The following ESRRG variants were observed in gnomAD, a reference collection of about 807,000 sequenced individuals.
ESRRG encodes estrogen-related receptor gamma.
Under a neutral mutation model 44.0 loss-of-function variants are expected in ESRRG, and 13 were observed. That is an observed-to-expected ratio of 0.30 (90% CI 0.19 to 0.47). The LOEUF is 0.47. Among genes scored for constraint, ESRRG ranks in the 20% least tolerant of loss-of-function variants. The pLI, the probability that ESRRG is intolerant of heterozygous loss-of-function variation, is 1.00. For missense variants in ESRRG, 395 were observed against 580.6 expected (o/e 0.68, Z 3.29); for synonymous variants, 215 against 214.6 (o/e 1.00, Z -0.02).
chr1:216,602,949 T>A (rs545792415), intron 3 of ESRRG, among the ~76,000 whole-genome samples: 113 of 152,268 alleles, frequency 7.4e-4, no homozygotes, highest in African/African-American at 2.6e-3. Flanking sequence ...TTAAACTACA[T>A]CTATATAGCC....
intron 2 of ESRRG, among the ~76,000 whole-genome samples, chr1:216,886,202 C>A (rs1263057372): frequency 6.6e-6 from 1 of 152,124 alleles, no homozygotes; most frequent in Non-Finnish European, 1.5e-5. Context: ...GAACTATATG[C>A]ATCCACTTCA....
chr1:216,604,068 T>A (rs1346535219), intron 3 of ESRRG, among the ~76,000 whole-genome samples: 12 of 151,952 alleles, frequency 7.9e-5, no homozygotes, highest in Admixed American at 5.9e-4. Context: ...TACATAAAAT[T>A]AGGAAACTGC....
chr1:216,923,679 T>C (rs2062128080), intron 2 of ESRRG, among the ~76,000 whole-genome samples: 1 of 152,178 alleles, frequency 6.6e-6, no homozygotes, highest in African/African-American at 2.4e-5. Flanking sequence ...ACAGCATCAT[T>C]CCATCAACAT....
In ESRRG at chr1:216,530,854, T is replaced by C. The variant is rs182318624; in HGVS notation, c.863-11433A>G. Among the ~76,000 whole-genome samples, 4 of 152,300 alleles carry C rather than the reference T, an allele frequency of 2.6e-5. No individual in the cohort carries two copies. The East Asian group carries it at 5.8e-4, about 22-fold the overall frequency. On this transcript the variant is annotated intron_variant, in intron 5 of 6. Transcript: ENST00000408911. ...ATTCCAATAAAAGCACTAATTATTA[T>C]AGACTTGGTGTTTGTGGAGTTAACG...
At chr1:217,099,313 A>G (rs774496778) in intron 1 of ESRRG, among the ~76,000 whole-genome samples, 12 of 152,074 alleles carry the variant, frequency 7.9e-5, no homozygotes, top group Non-Finnish European at 1.3e-4. Flanking sequence ...AATGAAGTGG[A>G]TATTATTCCT....
intron 1 of ESRRG, among the ~76,000 whole-genome samples, chr1:217,112,320 A>G (rs1205749244): frequency 6.6e-6 from 1 of 152,174 alleles, no homozygotes; most frequent in Non-Finnish European, 1.5e-5. Flanking sequence ...TGGCTTTGGG[A>G]CCAAGTAGCA....
chr1:216,810,688 T>C (rs1200337550), intron 2 of ESRRG, among the ~76,000 whole-genome samples: 1 of 133,678 alleles, frequency 7.5e-6, no homozygotes, highest in African/African-American at 2.8e-5. Flanking sequence ...GAGCTAATTC[T>C]TAAACAAAAA....
rs534443545 is a variant in ESRRG at position 216,778,899 on chromosome 1, C to T, written c.-13-101408G>A. Among the ~76,000 whole-genome samples, 84 of 150,894 alleles carry T rather than the reference C, an allele frequency of 5.6e-4. 1 individual carries two copies. The highest frequency in any genetic ancestry group is 4.7e-4 in the Admixed American group (7 of 14,926). On this transcript the variant is annotated intron_variant, in intron 2 of 7. Coordinates refer to the ESRRG transcript ENST00000359162. Reference sequence around the variant, plus strand: ...AGAAAGTAAGCTTTTGAAAAGAAACCTATCTATGCAACAGGTTCTCAGGGG... The same window carrying T: ...AGAAAGTAAGCTTTTGAAAAGAAACTTATCTATGCAACAGGTTCTCAGGGG...
chr1:216,619,251 A>T (rs180879533), intron 3 of ESRRG, among the ~76,000 whole-genome samples: 5 of 152,324 alleles, frequency 3.3e-5, no homozygotes, highest in African/African-American at 1.2e-4. Flanking sequence ...GGGAACATTA[A>T]TGATTCCTAT....
chr1:217,090,744 G>A (rs1461774056), upstream of ESRRG, among the ~76,000 whole-genome samples: 2 of 152,178 alleles, frequency 1.3e-5, no homozygotes, highest in Non-Finnish European at 2.9e-5. Flanking sequence ...TGGCCCACCA[G>A]GGGAGTCTGG....
At chr1:217,041,093 A>G (rs1399353836) in intron 1 of ESRRG, among the ~76,000 whole-genome samples, 1 of 152,138 alleles carries the variant, frequency 6.6e-6, no homozygotes, top group African/African-American at 2.4e-5. Flanking sequence ...TTAGTTTAAA[A>G]TTCTCCACAG....
chr1:217,029,511 A>T (rs907288351), intron 1 of ESRRG, among the ~76,000 whole-genome samples: 2 of 152,232 alleles, frequency 1.3e-5, no homozygotes, highest in Non-Finnish European at 2.9e-5. Context: ...GCCAGTTGTC[A>T]TAAAGTTAAT....
intron 5 of ESRRG, among the ~76,000 whole-genome samples, chr1:216,522,132 G>T (rs1020422059): frequency 1.7e-4 from 26 of 151,552 alleles, no homozygotes; most frequent in Non-Finnish European, 2.9e-5. Context: ...CTTCTATATT[G>T]ATGGTTGTGT....
chr1:216,541,429 T>G (rs1200484456), intron 5 of ESRRG, among the ~76,000 whole-genome samples: 2 of 152,050 alleles, frequency 1.3e-5, no homozygotes, highest in East Asian at 3.9e-4. Flanking sequence ...ATGTTATCTC[T>G]TAGTCAATGG....
chr1:216,688,056 A>C (rs561219584), intron 1 of ESRRG, among the ~76,000 whole-genome samples: 1 of 152,286 alleles, frequency 6.6e-6, no homozygotes, highest in East Asian at 1.9e-4. Context: ...GAAAAGGGTG[A>C]GAAAAAAAGA....
chr1:216,793,266 G>T (rs766637534), intron 2 of ESRRG, among the ~76,000 whole-genome samples: 1 of 152,104 alleles, frequency 6.6e-6, no homozygotes, highest in Non-Finnish European at 1.5e-5. Flanking sequence ...CCCTATCCTG[G>T]TATTTATATA....
At chr1:216,774,361 T>C (rs1008846199) in intron 2 of ESRRG, among the ~76,000 whole-genome samples, 1 of 152,140 alleles carries the variant, frequency 6.6e-6, no homozygotes, top group African/African-American at 2.4e-5. Flanking sequence ...GCTCATGTCA[T>C]GGATGTGAAA....
rs80157279 is a variant in ESRRG at position 217,073,035 on chromosome 1, G to A, written c.-106+16472C>T. ...AGAAGCCCACTGCACTGATGTGCTT[G>A]TTGACTGGAGCATCAGACAAGGGTG... is the stretch of plus-strand genomic sequence containing the variant. On this transcript the variant is annotated intron_variant, in intron 1 of 7. Transcript: ENST00000359162. Among the ~76,000 whole-genome samples the A allele has an allele frequency of 4.7e-3, 714 of 151,952 alleles. 4 individuals carry two copies. The highest frequency in any genetic ancestry group is 0.016 in the African/African-American group (665 of 41,450).
chr1:216,587,580 TA>T (rs1321194767), intron 3 of ESRRG, among the ~76,000 whole-genome samples: 2 of 151,956 alleles, frequency 1.3e-5, no homozygotes, highest in Non-Finnish European at 2.9e-5. Context: ...AATGAATAAA[TA>T]AAAAAAGGAC....
Sources: allele counts gnomAD v4.1 joint callset (sites outside exome capture counted in the v4.1 genomes callset), GRCh38; gene constraint gnomAD v4.1.1; transcripts MANE v1.5; gene names NCBI Gene and HGNC (gene_info 2026-07-23, HGNC 2026-07-21).